TEP1: variants seen among roughly 807,000 people sequenced by gnomAD.
TEP1 encodes telomerase protein component 1.
TEP1 carries 241 observed loss-of-function variants against 306.3 expected under a neutral mutation model. That is an observed-to-expected ratio of 0.79 (90% CI 0.71 to 0.88). The LOEUF (loss-of-function observed/expected upper bound fraction) is 0.88. TEP1 is among the 40% of genes least tolerant of loss of function. The probability of loss-of-function intolerance (pLI) is 0.00; values close to 1 mark genes in which losing one functional copy is unlikely to be tolerated. For missense variants in TEP1, 3,051 were observed against 3,276.1 expected (o/e 0.93, Z 1.68); for synonymous variants, 1,289 against 1,305.5 (o/e 0.99, Z 0.27).
rs1877528876 is a variant in TEP1, at chr14:20,389,660, C to T, written c.2415G>A (p.Val805=). ...TACCAACAAAGAGGCACTTGGAATT[C>T]ACACGCTGCCAGTAAAGCTGTTTGG... ...NVAKQLYWQR[V]NSKCLFVGIL... The change falls in exon 16 of 55, where the codon GTG becomes GTA. Residue 805 remains valine, a synonymous_variant. Coordinates refer to ENST00000262715, the MANE Select transcript of TEP1 (RefSeq NM_007110.5). 5 of 1,614,108 alleles carry T rather than the reference C, an allele frequency of 3.1e-6. No individual in the cohort carries two copies. Among genetic ancestry groups the T allele is most frequent in the African/African-American group, 1.3e-5 (1 of 74,936 alleles).
In TEP1 at chr14:20,380,247, T is replaced by C. The variant is rs760287757; in HGVS notation, c.4991A>G (p.Lys1664Arg). The C allele has an allele frequency of 9.3e-6, 15 of 1,613,974 alleles. No individual in the cohort carries two copies. The highest frequency in any genetic ancestry group is 1.2e-5 in the Non-Finnish European group (14 of 1,179,896). The change falls in exon 34 of 55, where the codon AAA becomes AGA. Residue 1664 changes from lysine to arginine, a missense_variant. By Grantham distance (26) the Lys-to-Arg change is conservative. Coordinates refer to ENST00000262715, the MANE Select transcript of TEP1 (RefSeq NM_007110.5). ...LRWLNKPRTM[K>R]NQQSSSLSLA... ...GTCAAGGTCTTACCTTTGCTGATTTTTCATGGTCCGGGGTTTATTAAGCCA... is the reference window on the plus strand; with the variant it reads ...GTCAAGGTCTTACCTTTGCTGATTTCTCATGGTCCGGGGTTTATTAAGCCA...
intron 50 of TEP1, 47 bp downstream of exon 50, chr14:20,371,442 G>C: frequency 1.2e-6 from 2 of 1,607,904 alleles, no homozygotes; most frequent in Non-Finnish European, 1.7e-6. Context: ...ACTAACTCAG[G>C]TTTCCTTTTT....
At chr14:20,391,300 A>G (rs1401076853) in intron 13 of TEP1, among the ~76,000 whole-genome samples, 1 of 152,120 alleles carries the variant, frequency 6.6e-6, no homozygotes, top group Non-Finnish European at 1.5e-5. Context: ...ATCCCTGCCC[A>G]AGTTCAACAC....
At chr14:20,401,431 T>C (rs757835545) in intron 8 of TEP1, 26 bp downstream of exon 8, 10 of 1,612,098 alleles carry the variant, frequency 6.2e-6, no homozygotes, top group Non-Finnish European at 7.6e-6. Flanking sequence ...TTAGATGGAA[T>C]GCATGCTCAG....
chr14:20,374,627 C>T (rs748208828), intron 43 of TEP1, 91 bp from the exon 44 acceptor site: 42 of 816,546 alleles, frequency 5.1e-5, no homozygotes, highest in Middle Eastern at 2.3e-4. Flanking sequence ...CGGTTAGCCA[C>T]GTAATTAAGG....
In TEP1 at chr14:20,377,418, C is replaced by T. The variant is rs762113016; in HGVS notation, c.5950G>A (p.Val1984Met). The T allele has an allele frequency of 1.5e-5, 25 of 1,614,044 alleles. No homozygotes were observed. In the Admixed American group the frequency reaches 3.3e-4, roughly 22 times the overall value. Residue 1984 changes from valine (V) to methionine (M), a missense_variant, in exon 41 of 55, where the codon GTG becomes ATG. Physicochemically the swap from Val to Met is conservative, Grantham distance 21. Around this residue, in one of 3 missense-constraint regions of TEP1, gnomAD observed 1,540 missense variants for 1,705.9 expected, o/e 0.90. Transcript: ENST00000262715. ...ALAWLSPKVL[V>M]SGAEDGSLQG... ...AAGGACCCATCTTCTGCACCACTCACCAATACCTTGGGGCTTAGCCAGGCC... is the reference window on the plus strand; with the variant it reads ...AAGGACCCATCTTCTGCACCACTCATCAATACCTTGGGGCTTAGCCAGGCC...
chr14:20,406,187 C>T (rs1240223224), intron 3 of TEP1, 46 bp downstream of exon 3: 2 of 1,602,400 alleles, frequency 1.2e-6, no homozygotes, highest in African/African-American at 2.7e-5. Flanking sequence ...CCACCAACCT[C>T]CCCTCCACAC....
rs938128186 is a variant in TEP1, at chr14:20,372,887, C to T, written c.6952-30G>A. The T allele has an allele frequency of 4.3e-6, 7 of 1,613,862 alleles. No individual in the cohort carries two copies. In the South Asian group the frequency reaches 5.5e-5, roughly 13 times the overall value. ...TGTACACAACAAGTTCAATTCAGTG[C>T]TTCTGATGAGCCAGGATGCACCATC... On this transcript the variant is annotated intron_variant, in intron 48 of 54. Transcript: ENST00000262715.
At chr14:20,380,679 C>A (rs1190685119) in intron 33 of TEP1, among the ~76,000 whole-genome samples, 45 of 152,304 alleles carry the variant, frequency 3.0e-4, no homozygotes, top group Non-Finnish European at 1.5e-5. Flanking sequence ...CAAGGATCTG[C>A]AATTTGAACA....
In TEP1 at chr14:20,369,761, C is replaced by A. The variant is rs1358917273; in HGVS notation, c.7336G>T (p.Glu2446Ter). Residue 2446 changes from glutamate to a stop codon, truncating the protein, a stop_gained, in exon 52 of 55, where the codon GAG (glutamate) becomes TAG (stop). Coordinates refer to ENST00000262715, the MANE Select transcript of TEP1 (RefSeq NM_007110.5). LOFTEE classifies it high-confidence loss of function. ...TCAAAGTTCAGCCTCTCTTCAAACT[C>A]TCCTGATTCCTTTTGCCTCTGTGAA... The part of the protein sequence containing the change: ...LSFLRQKESG[E>*]FEERLNFDIN... 6.2e-7 allele frequency: 1 copy of A among 1,614,050 alleles called. No individual in the cohort carries two copies. Among genetic ancestry groups the A allele is most frequent in the Admixed American group, 1.7e-5 (1 of 60,020 alleles).
intron 12 of TEP1, 117 bp downstream of exon 12, chr14:20,395,333 G>T: frequency 9.4e-7 from 1 of 1,067,996 alleles, no homozygotes; most frequent in Non-Finnish European, 1.3e-6. Flanking sequence ...CTGAGCCACT[G>T]CGATGACTGA....
chr14:20,413,329 G>A (rs1177800418), intron 1 of TEP1, 76 bp downstream of exon 1: 1 of 152,460 alleles, frequency 6.6e-6, no homozygotes, highest in African/African-American at 2.4e-5. Flanking sequence ...CAGCGCCCTA[G>A]ACCCAGGGCC....
At chr14:20,376,668 T>C (rs1037118847) in intron 41 of TEP1, among the ~76,000 whole-genome samples, 4 of 152,030 alleles carry the variant, frequency 2.6e-5, no homozygotes, top group Non-Finnish European at 5.9e-5. Context: ...CCTCAACATC[T>C]CTCTCTCTCC....
At chr14:20,369,866 T>G (rs1157131284) in intron 51 of TEP1, 87 bp from the exon 52 acceptor site, 6 of 1,046,930 alleles carry the variant, frequency 5.7e-6, no homozygotes, top group Non-Finnish European at 6.9e-6. Context: ...TCTGGGCTGG[T>G]CAGGAATTTT....
In TEP1 at chr14:20,407,985, G is replaced by A. The variant is rs754209842; in HGVS notation, c.455C>T (p.Ser152Phe). ...CTGAGCCCTCCAACTTGGAGGCTCA[G>A]AGAGCAGGCAATTGCTGTTGTTCAC... ...YRVNNSNCLLSEPPSWRAQHF... is the reference protein window; with the variant it reads ...YRVNNSNCLLFEPPSWRAQHF... Residue 152 changes from serine to phenylalanine, a missense_variant, in exon 2 of 55, where the codon TCT (serine) becomes TTT (phenylalanine). Transcript: ENST00000262715. 14 of 1,614,098 alleles carry A rather than the reference G, an allele frequency of 8.7e-6. No homozygotes were observed. In the Admixed American group the frequency reaches 2.3e-4, roughly 27 times the overall value.
rs1014991881 is a variant in TEP1 at position 20,386,491 on chromosome 14, G to T, written c.2817C>A (p.Ile939=). Residue 939 remains isoleucine, a synonymous_variant, in exon 19 of 55, where the codon ATC becomes ATA. Transcript: ENST00000262715. The part of the protein sequence containing the change: ...AAPHRISLHG[I]DLRWGVTEEE... Reference sequence around the variant, plus strand: ...CCTCAGTGACGCCCCAGCGGAGGTCGATTCCGTGAAGGCTGATACGGTGAG... The same window carrying T: ...CCTCAGTGACGCCCCAGCGGAGGTCTATTCCGTGAAGGCTGATACGGTGAG... 1 of 1,611,942 alleles carries T rather than the reference G, an allele frequency of 6.2e-7. No homozygotes were observed. Among genetic ancestry groups the T allele is most frequent in the Admixed American group, 1.7e-5 (1 of 59,912 alleles).
At chr14:20,383,091 G>A in intron 27 of TEP1, 83 bp downstream of exon 27, 1 of 1,439,972 alleles carries the variant, frequency 6.9e-7, no homozygotes, top group Non-Finnish European at 9.4e-7. Flanking sequence ...TCTGTGCAAG[G>A]CAGCTAGCGG....
In TEP1 at chr14:20,383,826, A is replaced by T; in HGVS notation, c.3627T>A (p.Gly1209=). 2 of 1,606,642 alleles carry T rather than the reference A, an allele frequency of 1.2e-6. No homozygotes were observed. The highest frequency in any genetic ancestry group is 1.7e-6 in the Non-Finnish European group (2 of 1,178,968). ...FHFSGARPDQ[G]LALTLLRRLC... ...GGCGTCTGAGCAGAGTGAGGGCAAGACCCTGGTCAGGACGAGCCCCAGAAA... is the reference window on the plus strand; with the variant it reads ...GGCGTCTGAGCAGAGTGAGGGCAAGTCCCTGGTCAGGACGAGCCCCAGAAA... Residue 1209 remains glycine, a synonymous_variant, in exon 25 of 55, where the codon GGT becomes GGA. Coordinates refer to ENST00000262715, the MANE Select transcript of TEP1 (RefSeq NM_007110.5).
chr14:20,369,174 A>AT (rs1464885880), intron 53 of TEP1, among the ~76,000 whole-genome samples, 170 bp downstream of exon 53: 38 of 152,046 alleles, frequency 2.5e-4, no homozygotes, highest in Admixed American at 2.2e-3. Flanking sequence ...CGCCCAGCTA[A>AT]TTTTTTGTAT....
Sources: allele counts gnomAD v4.1 joint callset (sites outside exome capture counted in the v4.1 genomes callset), GRCh38; gene constraint gnomAD v4.1.1; regional missense constraint gnomAD v4.1.1; transcripts MANE v1.5; gene names NCBI Gene and HGNC (gene_info 2026-07-23, HGNC 2026-07-21).